HELQ: variants seen among roughly 807,000 people sequenced by gnomAD.
The protein encoded by HELQ is helicase, POLQ like, also known as helicase POLQ-like.
Under a neutral mutation model 111.6 loss-of-function variants are expected in HELQ, and 77 were observed. The observed-to-expected ratio is 0.69, with a 90% confidence interval of 0.57 to 0.83. The LOEUF (loss-of-function observed/expected upper bound fraction) is 0.83. Ranked by LOEUF, HELQ falls within the 40% of genes least tolerant of loss-of-function variation. The pLI is 0.00. For synonymous variants in HELQ, 438 were observed against 454.7 expected (o/e 0.96, Z 0.47); for missense variants, 1,200 against 1,288.5 (o/e 0.93, Z 1.05).
At chr4:83,436,830 GC>G in intron 9 of HELQ, 27 bp downstream of exon 9, 1 of 1,589,760 alleles carries the variant, frequency 6.3e-7, no homozygotes, top group Non-Finnish European at 8.6e-7. Flanking sequence ...AAAGTTCTGA[GC>G]CTGGTCAACA....
rs754925433 is a variant in HELQ, at chr4:83,447,058, G to A, written c.1192-23C>T. 98 of 1,543,424 alleles carry A rather than the reference G, an allele frequency of 6.3e-5. 1 individual carries two copies. In the African/African-American group the frequency reaches 1.2e-3, roughly 18 times the overall value. On this transcript the variant is annotated intron_variant, in intron 3 of 17. Coordinates refer to ENST00000295488, the MANE Select transcript of HELQ (RefSeq NM_133636.5). The stretch of plus-strand genomic sequence containing the variant: ...AATCTAGAATATTAGTTAAAATAAA[G>A]AAAAATTGGCCAGGCATTGTGGCCA...
rs1578093619 is a variant in HELQ, at chr4:83,439,896, T to C, written c.1775A>G (p.Asn592Ser). ...AAATTTGCATATCATTTCTGCTACA[T>C]TTTCACAGTTCTTCTTACTAGGACA... The part of the protein sequence containing the change: ...VFCPSKKNCE[N>S]VAEMICKFLS... The change falls in exon 8 of 18, where the codon AAT (asparagine) becomes AGT (serine). Residue 592 changes from asparagine (N) to serine (S), a missense_variant. By Grantham distance (46) the Asn-to-Ser change is conservative (BLOSUM62 1). This residue lies in a region of HELQ where 585 missense variants were observed against 665.3 expected (regional missense o/e 0.88). Transcript: ENST00000295488. 1 of 1,598,312 alleles carries C rather than the reference T, an allele frequency of 6.3e-7. No homozygotes were observed. The highest frequency in any genetic ancestry group is 1.1e-5 in the South Asian group (1 of 89,158).
chr4:83,429,335 G>C (rs979987594), intron 12 of HELQ, among the ~76,000 whole-genome samples, 189 bp downstream of exon 12: 4 of 152,038 alleles, frequency 2.6e-5, no homozygotes, highest in African/African-American at 7.2e-5. Flanking sequence ...TTTTAGTAGA[G>C]ACAGGGTTTT....
chr4:83,441,907 G>C (rs193046667), intron 6 of HELQ, among the ~76,000 whole-genome samples: 65 of 151,738 alleles, frequency 4.3e-4, no homozygotes, highest in Admixed American at 2.2e-3. Context: ...CTGAGTAGCT[G>C]GGATGACAGG....
chr4:83,445,873 T>A (rs1382991570), intron 5 of HELQ, 141 bp downstream of exon 5: 2 of 581,394 alleles, frequency 3.4e-6, no homozygotes, highest in Non-Finnish European at 6.0e-6. Flanking sequence ...CAAAATTCTA[T>A]TCATTAGAAA....
chr4:83,429,244 T>A (rs1030978277), intron 12 of HELQ, among the ~76,000 whole-genome samples: 20 of 152,218 alleles, frequency 1.3e-4, no homozygotes, highest in Admixed American at 5.2e-4. Context: ...CCTCCCAGGT[T>A]CAAACAATTC....
At chr4:83,448,699 C>T in intron 3 of HELQ, 84 bp downstream of exon 3, 1 of 1,044,134 alleles carries the variant, frequency 9.6e-7, no homozygotes, top group African/African-American at 1.7e-5. Context: ...TACTTCTCAA[C>T]AATACAAAGT....
chr4:83,431,698 A>G lies in HELQ; in HGVS notation c.2261T>C (p.Ile754Thr). The G allele has an allele frequency of 6.4e-7, 1 of 1,561,456 alleles. No homozygotes were observed. The highest frequency in any genetic ancestry group is 8.7e-7 in the Non-Finnish European group (1 of 1,152,666). The change falls in exon 11 of 18, where the codon ATC becomes ACC. Residue 754 changes from isoleucine (I) to threonine (T), a missense_variant. Around this residue, in one of 3 missense-constraint regions of HELQ, gnomAD observed 585 missense variants for 665.3 expected, o/e 0.88. Coordinates refer to ENST00000295488, the MANE Select transcript of HELQ (RefSeq NM_133636.5). Reference protein sequence around the residue: ...SHLVQEFTKGIQTLFLSLIGL... With the variant: ...SHLVQEFTKGTQTLFLSLIGL... Reference sequence around the variant, plus strand: ...AATCAAAGAGAGAAATAATGTTTGGATTCCCTTGGTGAATTCCTGAACAAG... The same window carrying G: ...AATCAAAGAGAGAAATAATGTTTGGGTTCCCTTGGTGAATTCCTGAACAAG...
intron 2 of HELQ, among the ~76,000 whole-genome samples, chr4:83,449,341 T>C (rs1036634563): frequency 3.3e-5 from 5 of 152,252 alleles, no homozygotes; most frequent in African/African-American, 9.6e-5. Flanking sequence ...AAGGAGATTA[T>C]ATAAGCTTCC....
At chr4:83,447,455 C>A (rs967965683) in intron 3 of HELQ, among the ~76,000 whole-genome samples, 1 of 152,204 alleles carries the variant, frequency 6.6e-6, no homozygotes, top group African/African-American at 2.4e-5. Context: ...TCAACAGGAA[C>A]AAGGTCACAG....
rs1271886793 is a variant in HELQ, at chr4:83,429,572, C to A, written c.2470G>T (p.Val824Phe). The change falls in exon 12 of 18, where the codon GTC becomes TTC. Residue 824 changes from valine to phenylalanine, a missense_variant. Coordinates refer to ENST00000295488, the MANE Select transcript of HELQ (RefSeq NM_133636.5). ...KDTIYKSEEE[V>F]QYNFHITKLG... is the part of the protein sequence containing the mutation. ...TTTGTAATATGAAAATTATATTGGA[C>A]CTCTTCTTCAGACTTATAAATAGTG... 6.2e-7 allele frequency: 1 copy of A among 1,612,106 alleles called. No individual in the cohort carries two copies. Among genetic ancestry groups the A allele is most frequent in the African/African-American group, 1.3e-5 (1 of 74,868 alleles).
At chr4:83,450,126 G>C (rs1721270233) in intron 2 of HELQ, among the ~76,000 whole-genome samples, 1 of 147,174 alleles carries the variant, frequency 6.8e-6, no homozygotes, top group Admixed American at 7.1e-5. Flanking sequence ...GGGGGTAAAG[G>C]CCGAATGAAT....
At chr4:83,430,156 TAA>T (rs397880201) in intron 11 of HELQ, among the ~76,000 whole-genome samples, 38 of 136,864 alleles carry the variant, frequency 2.8e-4, no homozygotes, top group Admixed American at 2.2e-4. Flanking sequence ...AAAGTTGCAT[TAA>T]AAAAAAAAAA....
At chr4:83,426,200 C>T in intron 13 of HELQ, 108 bp from the exon 14 acceptor site, 1 of 657,114 alleles carries the variant, frequency 1.5e-6, no homozygotes. Flanking sequence ...ATACAAAAAA[C>T]AAGATAAATA....
At chr4:83,431,189 G>A (rs1720125649) in intron 11 of HELQ, among the ~76,000 whole-genome samples, 13 of 147,860 alleles carry the variant, frequency 8.8e-5, no homozygotes, top group Admixed American at 8.5e-4. Flanking sequence ...GGCTAAGGTG[G>A]GAGGACTGTT....
At chr4:83,410,840 A>C (rs538701723) in intron 17 of HELQ, among the ~76,000 whole-genome samples, 1 of 152,184 alleles carries the variant, frequency 6.6e-6, no homozygotes, top group African/African-American at 2.4e-5. Flanking sequence ...CTCAGATCCT[A>C]GCATCCACAC....
chr4:83,423,896 C>A (rs973633471), intron 14 of HELQ, among the ~76,000 whole-genome samples: 2 of 149,360 alleles, frequency 1.3e-5, no homozygotes, highest in Non-Finnish European at 3.0e-5. Flanking sequence ...GGAGCCTGGG[C>A]GACAAGAGCG....
chr4:83,431,664 C>T lies in HELQ; in HGVS notation c.2295G>A (p.Lys765=), dbSNP rs757556391. ...QTLFLSLIGL[K]IATNLDDIYH... is the part of the protein sequence containing the mutation. ...AAGATAAAAAATTTAAGAAAAATAC[C>T]TTCAAACCAATCAAAGAGAGAAATA... Residue 765 remains lysine (K), a splice_region_variant and synonymous_variant, in exon 11 of 18, where the codon AAG becomes AAA. Coordinates refer to ENST00000295488, the MANE Select transcript of HELQ (RefSeq NM_133636.5). The T allele has an allele frequency of 6.6e-7, 1 of 1,515,420 alleles. No homozygotes were observed. The highest frequency in any genetic ancestry group is 2.5e-5 in the East Asian group (1 of 40,092). 93.9% of individuals were successfully genotyped at this position (1,515,420 alleles called of 1,614,324 possible). A position where few individuals can be genotyped will look rare whatever the true frequency, so the allele number is the denominator to read the frequency against.
chr4:83,451,621 C>A (rs1268749819), intron 2 of HELQ, among the ~76,000 whole-genome samples: 1 of 151,476 alleles, frequency 6.6e-6, no homozygotes, highest in Non-Finnish European at 1.5e-5. Flanking sequence ...AGCTGAGATG[C>A]GCCACTGCAC....
Sources: gnomAD v4.1 joint callset for allele counts (sites outside exome capture counted in the v4.1 genomes callset) on GRCh38, gnomAD v4.1.1 for gene constraint, gnomAD v4.1.1 regional missense constraint, MANE v1.5 for transcripts, NCBI Gene and HGNC (gene_info 2026-07-23, HGNC 2026-07-21) for gene names.